The following HNRNPL variants were observed in gnomAD, a reference collection of about 807,000 sequenced individuals.
The protein encoded by HNRNPL is heterogeneous nuclear ribonucleoprotein L.
HNRNPL carries 12 observed loss-of-function variants against 64.0 expected under a neutral mutation model. The observed-to-expected ratio is 0.19, with a 90% confidence interval of 0.12 to 0.30. The LOEUF (loss-of-function observed/expected upper bound fraction) is 0.30, where lower values mean the gene tolerates loss of function less well. Ranked by LOEUF, HNRNPL falls within the 10% of genes least tolerant of loss-of-function variation. The probability of loss-of-function intolerance (pLI) is 1.00; values close to 1 mark genes in which losing one functional copy is unlikely to be tolerated. For missense variants in HNRNPL, 484 were observed against 797.4 expected (o/e 0.61, Z 4.73); for synonymous variants, 385 against 313.0 (o/e 1.23, Z -2.43).
chr19:38,840,587 C>T (rs1387729409), intron 6 of HNRNPL, 28 bp from the exon 7 acceptor site: 1 of 1,549,884 alleles, frequency 6.5e-7, no homozygotes, highest in East Asian at 2.4e-5. Context: ...AGTTAGGAGT[C>T]TCACTCAGAA....
intron 1 of HNRNPL, 132 bp from the exon 2 acceptor site, chr19:38,847,566 T>A: frequency 2.1e-6 from 1 of 470,232 alleles, no homozygotes; most frequent in Non-Finnish European, 3.8e-6. Flanking sequence ...CAGGAAAGAC[T>A]AGGGGCAGCA....
upstream of HNRNPL, among the ~76,000 whole-genome samples, chr19:38,851,874 C>T (rs1167728924): frequency 6.6e-6 from 1 of 152,102 alleles, no homozygotes; most frequent in Admixed American, 6.5e-5. Flanking sequence ...TCAGCTCCCC[C>T]GGACACCAGG....
At chr19:38,849,614 GC>G (rs1023861149) in intron 1 of HNRNPL, 85 bp downstream of exon 1, 2 of 1,287,858 alleles carry the variant, frequency 1.6e-6, no homozygotes, top group Non-Finnish European at 9.8e-7. Context: ...GTGCGCAGAG[GC>G]CCCCCTCAAA....
chr19:38,851,242 G>C (rs993317416), upstream of HNRNPL: 1 of 152,402 alleles, frequency 6.6e-6, no homozygotes, highest in African/African-American at 2.4e-5. Context: ...GGCGGGGTAA[G>C]ACCACCCGCA....
Position 38,849,933 on chromosome 19 carries a change from G to C in HNRNPL, c.34C>G (p.Arg12Gly). The change falls in exon 1 of 13, where the codon CGG (arginine) becomes GGG (glycine). Residue 12 changes from arginine to glycine, a missense_variant. Coordinates refer to ENST00000221419, the MANE Select transcript of HNRNPL (RefSeq NM_001533.3). ...SRRLLPRAEKRRRRLEQRQQP... is the reference protein window; with the variant it reads ...SRRLLPRAEKGRRRLEQRQQP... ...TGCCTCTGCTCCAGCCGCCGACGCC[G>C]CTTCTCCGCCCGGGGCAGCAGCCTC... 1.5e-6 allele frequency: 2 copies of C among 1,366,792 alleles called. No homozygotes were observed. Among genetic ancestry groups the C allele is most frequent in the Non-Finnish European group, 1.9e-6 (2 of 1,029,840 alleles). 84.7% of individuals were successfully genotyped at this position (1,366,792 alleles called of 1,614,324 possible). A position where few individuals can be genotyped will look rare whatever the true frequency, so the allele number is the denominator to read the frequency against.
chr19:38,850,420 C>T (rs1400208680), upstream of HNRNPL: 2 of 162,480 alleles, frequency 1.2e-5, no homozygotes, highest in African/African-American at 2.4e-5. Flanking sequence ...TTTTTGGTCT[C>T]TCTCCAGTGG....
intron 10 of HNRNPL, 63 bp from the exon 11 acceptor site, chr19:38,837,714 G>T: frequency 7.0e-7 from 1 of 1,422,228 alleles, no homozygotes; most frequent in Non-Finnish European, 9.9e-7. Flanking sequence ...CAGGATTCAA[G>T]CAGACCAGGC....
At chr19:38,845,794 G>T (rs1373155864) in intron 3 of HNRNPL, 59 bp from the exon 4 acceptor site, 12 of 1,597,382 alleles carry the variant, frequency 7.5e-6, no homozygotes, top group Admixed American at 1.7e-5. Flanking sequence ...TGGCTTGGGG[G>T]AGGGAATAAG....
Position 38,838,433 on chromosome 19 carries a change from G to A in HNRNPL, c.1521C>T (p.Asn507=), listed in dbSNP as rs769194707. The stretch of plus-strand genomic sequence containing the variant: ...TCTCCTCGGTCACCTCCAGCGGGGC[G>A]TTGAAGAAGTGCAGCACGTTGCTGG... ...QHPSNVLHFF[N]APLEVTEENF... is the part of the protein sequence containing the mutation. The change falls in exon 10 of 13, where the codon AAC becomes AAT. Residue 507 remains asparagine, a synonymous_variant. Transcript: ENST00000221419. The A allele has an allele frequency of 2.4e-5, 38 of 1,613,082 alleles. No homozygotes were observed. The highest frequency in any genetic ancestry group is 6.6e-5 in the South Asian group (6 of 91,078).
At chr19:38,848,097 T>C (rs918443693) in intron 1 of HNRNPL, among the ~76,000 whole-genome samples, 10 of 138,582 alleles carry the variant, frequency 7.2e-5, no homozygotes, top group African/African-American at 3.0e-4. Flanking sequence ...AAAAGTCTTT[T>C]ATTTATTTTT....
intron 6 of HNRNPL, chr19:38,841,981 C>T (rs911171350): frequency 3.5e-5 from 10 of 287,074 alleles, no homozygotes; most frequent in African/African-American, 6.7e-5. Flanking sequence ...ACTACGCTCG[C>T]GCTTTTGGCC....
intron 6 of HNRNPL, chr19:38,841,380 G>A (rs958911722): frequency 2.8e-6 from 1 of 352,930 alleles, no homozygotes; most frequent in African/African-American, 2.1e-5. Context: ...ACTTTTAACT[G>A]AGCAGTTAAA....
intron 6 of HNRNPL, 85 bp from the exon 7 acceptor site, chr19:38,840,644 C>T: frequency 8.9e-7 from 1 of 1,127,418 alleles, no homozygotes; most frequent in South Asian, 1.4e-5. Flanking sequence ...GATCTGAGCC[C>T]CCAGCTCCTG....
upstream of HNRNPL, chr19:38,850,019 G>A (rs1018653331): frequency 1.8e-5 from 23 of 1,296,542 alleles, no homozygotes; most frequent in Non-Finnish European, 6.9e-6. Flanking sequence ...GGACACGCCC[G>A]TCACCCGCCG....
rs1427375337 is a variant in HNRNPL at position 38,849,961 on chromosome 19, C to T, written c.6G>A (p.Ser2=). 15 of 1,339,816 alleles carry T rather than the reference C, an allele frequency of 1.1e-5. No homozygotes were observed. Among genetic ancestry groups the T allele is most frequent in the Admixed American group, 3.6e-5 (1 of 28,100 alleles). The allele number at this position is 1,339,816 out of a possible 1,614,324, so 83.0% of individuals were successfully genotyped here. A position where few individuals can be genotyped will look rare whatever the true frequency, so the allele number is the denominator to read the frequency against. Residue 2 remains serine (S), a synonymous_variant, in exon 1 of 13, where the codon TCG becomes TCA. Coordinates refer to ENST00000221419, the MANE Select transcript of HNRNPL (RefSeq NM_001533.3). M[S]RRLLPRAEKR... ...TCTCCGCCCGGGGCAGCAGCCTCCGCGACATGGCGGCGCAGAACCCGCCTC... is the reference window on the plus strand; with the variant it reads ...TCTCCGCCCGGGGCAGCAGCCTCCGTGACATGGCGGCGCAGAACCCGCCTC...
Position 38,849,973 on chromosome 19 carries a change from G to C in HNRNPL, c.-7C>G. On this transcript the variant is annotated 5_prime_UTR_variant, in exon 1 of 13. Coordinates refer to ENST00000221419, the MANE Select transcript of HNRNPL (RefSeq NM_001533.3). ...GCAGCAGCCTCCGCGACATGGCGGC[G>C]CAGAACCCGCCTCCCCCCGCCTCTC... 7.5e-7 allele frequency: 1 copy of C among 1,327,398 alleles called. No individual in the cohort carries two copies. Among genetic ancestry groups the C allele is most frequent in the African/African-American group, 1.5e-5 (1 of 65,078 alleles). The allele number at this position is 1,327,398 out of a possible 1,614,324, so 82.2% of individuals were successfully genotyped here.
chr19:38,845,766 G>A (rs372575322), intron 3 of HNRNPL, 31 bp from the exon 4 acceptor site: 89 of 1,602,388 alleles, frequency 5.6e-5, no homozygotes, highest in Non-Finnish European at 6.8e-5. Flanking sequence ...AAGATGAAGG[G>A]GCACTGGCAG....
chr19:38,840,420 G>A, intron 7 of HNRNPL, 44 bp from the exon 8 acceptor site: 2 of 1,562,282 alleles, frequency 1.3e-6, no homozygotes, highest in Non-Finnish European at 1.7e-6. Flanking sequence ...GTGAGAATTT[G>A]CACGGCGGGC....
intron 6 of HNRNPL, chr19:38,842,394 C>T (rs924817145): frequency 6.6e-6 from 1 of 152,172 alleles, no homozygotes; most frequent in Non-Finnish European, 1.5e-5. Flanking sequence ...TGTACATTCT[C>T]GGGTTCAAGT....
Sources: allele counts gnomAD v4.1 joint callset (sites outside exome capture counted in the v4.1 genomes callset), GRCh38; gene constraint gnomAD v4.1.1; transcripts MANE v1.5; gene names NCBI Gene and HGNC (gene_info 2026-07-23, HGNC 2026-07-21).